Variants in ADGRB2 observed in about 807,000 individuals in gnomAD.
ADGRB2 encodes the protein adhesion G protein-coupled receptor B2.
In ADGRB2, 47 loss-of-function variants were observed where a neutral mutation model predicts 178.7. The ratio of observed to expected loss-of-function variants is 0.26; its 90% CI spans 0.21 to 0.34. The LOEUF (loss-of-function observed/expected upper bound fraction) is 0.34. Ranked by LOEUF, ADGRB2 falls within the 10% of genes least tolerant of loss-of-function variation. The probability of loss-of-function intolerance (pLI) is 1.00; values close to 1 mark genes in which losing one functional copy is unlikely to be tolerated. For missense variants in ADGRB2, 1,584 were observed against 2,180.8 expected, an observed-to-expected ratio of 0.73 and a Z score of 5.45; for synonymous variants, 870 against 912.4, an observed-to-expected ratio of 0.95 and a Z score of 0.84.
intron 1 of ADGRB2, among the ~76,000 whole-genome samples, chr1:31,763,460 G>A (rs189705770): frequency 1.1e-3 from 162 of 146,800 alleles, no homozygotes; most frequent in Non-Finnish European, 2.1e-3. Flanking sequence ...GACCGTGACG[G>A]GAAATAGAGG....
At position 31,740,886 on chromosome 1, in the gene ADGRB2, GGC is replaced by G. The variant is rs199971730; in HGVS notation, c.1795-347_1795-346del. Among the ~76,000 whole-genome samples the G allele has an allele frequency of 9.6e-6, 1 of 104,704 alleles. No homozygotes were observed. The highest frequency in any genetic ancestry group is 1.0e-4 in the Admixed American group (1 of 9,888). The allele number at this position is 104,704 out of a possible 152,430, so 68.7% of individuals were successfully genotyped here. On this transcript the variant is annotated intron_variant, in intron 11 of 32. Coordinates refer to ENST00000373658, the MANE Select transcript of ADGRB2 (RefSeq NM_001364857.2). The surrounding 1 kb of genome is among the most constrained non-coding windows in gnomAD (Gnocchi z 5.9). ...CTGGAGTGTAATGAGCATGTGTGTG[GGC>G]GCGCGCGCACACACACACACACACA...
Position 31,742,911 on chromosome 1 carries a change from G to A in ADGRB2, c.1179C>T (p.Pro393=). The A allele has an allele frequency of 6.5e-7, 1 of 1,542,560 alleles. No homozygotes were observed. Among genetic ancestry groups the A allele is most frequent in the South Asian group, 1.2e-5 (1 of 83,278 alleles). Residue 393 remains proline (P), a synonymous_variant, in exon 7 of 33, where the codon CCC becomes CCT. Transcript: ENST00000373658. ...GSRSRMRTCV[P]PQHGGKACEG... ...CGCAGGCCTTGCCGCCGTGCTGGGG[G>A]GGCACGCAGGTCCGCATCCGGCTCC...
intron 17 of ADGRB2, 74 bp from the exon 18 acceptor site, chr1:31,738,400 AG>A: frequency 1.9e-6 from 3 of 1,594,852 alleles, no homozygotes; most frequent in Non-Finnish European, 2.6e-6. Flanking sequence ...CCACTGCCCA[AG>A]GACAGGCTAA....
In ADGRB2 at chr1:31,736,558, A is replaced by G. The variant is rs1340254368; in HGVS notation, c.3130+15T>C. 1.2e-6 allele frequency: 2 copies of G among 1,612,882 alleles called. No homozygotes were observed. The highest frequency in any genetic ancestry group is 1.7e-6 in the Non-Finnish European group (2 of 1,179,318). On this transcript the variant is annotated intron_variant, in intron 21 of 32. Coordinates refer to ENST00000373658, the MANE Select transcript of ADGRB2 (RefSeq NM_001364857.2). ...CCAAGGCCCAGCAGCAGAGTCCAGC[A>G]CTGGCCCTGCTCACCCCAGCCCAGG...
At position 31,739,648 on chromosome 1, in the gene ADGRB2, GA is replaced by G; in HGVS notation, c.2168-14del. ...TGAATGCTGATCACTGCAGTGGGAG[GA>G]GGGTGGACAGAGACAGACAGAGGGG... On this transcript the variant is annotated splice_polypyrimidine_tract_variant and intron_variant, in intron 14 of 32. Transcript: ENST00000373658. 1 of 1,566,446 alleles carries G rather than the reference GA, an allele frequency of 6.4e-7. No homozygotes were observed. The highest frequency in any genetic ancestry group is 1.2e-5 in the South Asian group (1 of 83,140).
rs888871031 is a variant in ADGRB2, at chr1:31,757,284, G to C, written c.-60-3C>G. ...GTGAGGCATGTCACCGCGTAATCCT[G>C]TGGTAATTGTCAAAGTGGTGATGTT... On this transcript the variant is annotated splice_polypyrimidine_tract_variant and splice_region_variant and intron_variant, in intron 2 of 32. Coordinates refer to ENST00000373658, the MANE Select transcript of ADGRB2 (RefSeq NM_001364857.2). 6.3e-7 allele frequency: 1 copy of C among 1,594,806 alleles called. No individual in the cohort carries two copies. Among genetic ancestry groups the C allele is most frequent in the African/African-American group, 1.3e-5 (1 of 74,572 alleles).
In ADGRB2 at chr1:31,753,524, A is replaced by G. The variant is rs1646685695; in HGVS notation, c.838+2475T>C. The stretch of plus-strand genomic sequence containing the variant: ...GGGGTGTCCCAGAGAAGATGAACAC[A>G]GCTTCCCTGCCCTGGTGCCTGGGAG... On this transcript the variant is annotated intron_variant, in intron 4 of 32. Coordinates refer to ENST00000373658, the MANE Select transcript of ADGRB2 (RefSeq NM_001364857.2). The surrounding 1 kb of genome is among the most constrained non-coding windows in gnomAD (Gnocchi z 4.1). Among the ~76,000 whole-genome samples the G allele has an allele frequency of 6.6e-6, 1 of 152,196 alleles. No homozygotes were observed. Among genetic ancestry groups the G allele is most frequent in the Admixed American group, 6.5e-5 (1 of 15,282 alleles).
In ADGRB2 at chr1:31,742,806, C is replaced by T. The variant is rs779835229; in HGVS notation, c.1252+32G>A. 9 of 1,402,186 alleles carry T rather than the reference C, an allele frequency of 6.4e-6. No homozygotes were observed. The African/African-American group carries it at 1.2e-4, about 19-fold the overall frequency. The allele number at this position is 1,402,186 out of a possible 1,614,324, so 86.9% of individuals were successfully genotyped here. A position where few individuals can be genotyped will look rare whatever the true frequency, so the allele number is the denominator to read the frequency against. On this transcript the variant is annotated intron_variant, in intron 7 of 32. Transcript: ENST00000373658. ...CCCGACCCCCCACCGGGCTGGGCAGCGCCCTCATGGAAGCCCACGGGTGCT... is the reference window on the plus strand; with the variant it reads ...CCCGACCCCCCACCGGGCTGGGCAGTGCCCTCATGGAAGCCCACGGGTGCT...
chr1:31,742,173 T>C lies in ADGRB2; in HGVS notation c.1297A>G (p.Thr433Ala), dbSNP rs867954482. ...TGTTGGGTCCCATTGGCACAGGACG[T>C]GGAGCATGGGCCCCAGGGACCCCAT... ...LEWGPWGPCS[T>A]SCANGTQQRS... The change falls in exon 8 of 33, where the codon ACG becomes GCG. Residue 433 changes from threonine to alanine, a missense_variant. Around this residue, in one of 3 missense-constraint regions of ADGRB2, gnomAD observed 657 missense variants for 847.6 expected, o/e 0.78. Coordinates refer to ENST00000373658, the MANE Select transcript of ADGRB2 (RefSeq NM_001364857.2). The C allele has an allele frequency of 3.1e-6, 5 of 1,612,712 alleles. No homozygotes were observed. The highest frequency in any genetic ancestry group is 3.3e-5 in the Admixed American group (2 of 59,926).
Position 31,735,645 on chromosome 1 carries a change from G to A in ADGRB2, c.3288C>T (p.Ile1096=). 6 of 1,604,446 alleles carry A rather than the reference G, an allele frequency of 3.7e-6. No individual in the cohort carries two copies. Among genetic ancestry groups the A allele is most frequent in the Non-Finnish European group, 5.1e-6 (6 of 1,172,986 alleles). Residue 1096 remains isoleucine, a synonymous_variant, in exon 24 of 33, where the codon ATC becomes ATT. Coordinates refer to ENST00000373658, the MANE Select transcript of ADGRB2 (RefSeq NM_001364857.2). The surrounding 1 kb of genome is among the most constrained non-coding windows in gnomAD (Gnocchi z 6.0). ...VIVLVNMLIG[I]IVFNKLMARD... ...GTGCCATGAGCTTGTTGAAGACGAT[G>A]ATTCCGATGAGCATGTTCACCTGGG...
At chr1:31,731,500 C>A in intron 28 of ADGRB2, 81 bp from the exon 29 acceptor site, 1 of 1,492,064 alleles carries the variant, frequency 6.7e-7, no homozygotes, top group Non-Finnish European at 9.0e-7. Context: ...TGGGGAGGTA[C>A]CAAGCTTCTG....
Position 31,728,130 on chromosome 1 carries a change from C to CAGGTCAGGCCCTG in ADGRB2, c.4515+39_4516-50dup. On this transcript the variant is annotated intron_variant, in intron 31 of 32. Transcript: ENST00000373658. The surrounding 1 kb of genome is among the most constrained non-coding windows in gnomAD (Gnocchi z 6.7). ...GCTCCAACCCCAGGGGCCACTGCAC[C>CAGGTCAGGCCCTG]AGGTCAGGCCCTGAGCTTCAGGGCA... 2.5e-6 allele frequency: 4 copies of CAGGTCAGGCCCTG among 1,613,498 alleles called. No homozygotes were observed. Among genetic ancestry groups the CAGGTCAGGCCCTG allele is most frequent in the Non-Finnish European group, 3.4e-6 (4 of 1,179,824 alleles).
intron 29 of ADGRB2, among the ~76,000 whole-genome samples, chr1:31,729,050 T>C (rs1645143813): frequency 6.6e-6 from 1 of 152,098 alleles, no homozygotes; most frequent in South Asian, 2.1e-4. Context: ...TTCAGAAACC[T>C]TCCTTTGACC....
Position 31,756,702 on chromosome 1 carries a change from C to A in ADGRB2, c.135G>T (p.Ser45=). The A allele has an allele frequency of 2.5e-6, 4 of 1,604,080 alleles. No homozygotes were observed. The highest frequency in any genetic ancestry group is 1.7e-6 in the Non-Finnish European group (2 of 1,175,744). ...GCGAGAAGGCCCCGTAGAGCACACC[C>A]GAGGCCAGGGCAGAGCAGGCACTGG... The part of the protein sequence containing the change: ...PAPSACSALA[S]GVLYGAFSLQ... The change falls in exon 4 of 33, where the codon TCG becomes TCT. Residue 45 remains serine (S), a synonymous_variant. Transcript: ENST00000373658. This position sits in a 1 kb window ranked among gnomAD's most constrained non-coding sequence, Gnocchi z 8.5.
At position 31,744,439 on chromosome 1, in the gene ADGRB2, G is replaced by A. The variant is rs953623198; in HGVS notation, c.923-82C>T. ...TAGGGATAGGGGGAGTGGCAGTAAG[G>A]TGGGGGCAGGCATCAGAGGGCTCCT... On this transcript the variant is annotated intron_variant, in intron 5 of 32. Coordinates refer to ENST00000373658, the MANE Select transcript of ADGRB2 (RefSeq NM_001364857.2). The surrounding 1 kb of genome is among the most constrained non-coding windows in gnomAD (Gnocchi z 6.7). 1.1e-5 allele frequency: 16 copies of A among 1,517,966 alleles called. No homozygotes were observed. The highest frequency in any genetic ancestry group is 7.3e-5 in the South Asian group (6 of 82,328). 94.0% of individuals were successfully genotyped at this position (1,517,966 alleles called of 1,614,324 possible).
Position 31,735,982 on chromosome 1 carries a change from T to C in ADGRB2, c.3201-89A>G, listed in dbSNP as rs74063989. ...ATCCCTCAGTCCTCCCAGGCTGCCA[T>C]GCCCGCATCACCAGTGCAGTCTGAG... On this transcript the variant is annotated intron_variant, in intron 22 of 32. Coordinates refer to ENST00000373658, the MANE Select transcript of ADGRB2 (RefSeq NM_001364857.2). The surrounding 1 kb of genome is among the most constrained non-coding windows in gnomAD (Gnocchi z 6.0). 1,933 of 1,342,000 alleles carry C rather than the reference T, an allele frequency of 1.4e-3. 24 individuals are homozygous for C. In the African/African-American group the frequency reaches 0.024, roughly 17 times the overall value. The allele number at this position is 1,342,000 out of a possible 1,614,324, so 83.1% of individuals were successfully genotyped here.
At chr1:31,736,263 G>A in intron 22 of ADGRB2, 58 bp downstream of exon 22, 1 of 1,587,902 alleles carries the variant, frequency 6.3e-7, no homozygotes, top group Admixed American at 1.7e-5. Flanking sequence ...CAGCTGCCCA[G>A]TCCGATTCCC....
Position 31,739,333 on chromosome 1 carries a change from G to C in ADGRB2, c.2470C>G (p.Leu824Val), listed in dbSNP as rs1449681524. ...CTGGGAGGCGGCAGGATGAGGCCAAGGGTGCGGTAGAGTACAGCACCGATC... is the reference window on the plus strand; with the variant it reads ...CTGGGAGGCGGCAGGATGAGGCCAACGGTGCGGTAGAGTACAGCACCGATC... ...FVIGAVLYRT[L>V]GLILPPPRPP... Residue 824 changes from leucine (L) to valine (V), a missense_variant, in exon 15 of 33, where the codon CTT becomes GTT. By Grantham distance (32) the Leu-to-Val change is conservative. Around this residue, in one of 3 missense-constraint regions of ADGRB2, gnomAD observed 865 missense variants for 1,192.8 expected, o/e 0.73. Transcript: ENST00000373658. 6.9e-7 allele frequency: 1 copy of C among 1,455,350 alleles called. No homozygotes were observed. Among genetic ancestry groups the C allele is most frequent in the Non-Finnish European group, 9.1e-7 (1 of 1,101,362 alleles). 90.2% of individuals were successfully genotyped at this position (1,455,350 alleles called of 1,614,324 possible).
In ADGRB2 at chr1:31,733,053, G is replaced by GAC; in HGVS notation, c.3541_3542dup (p.Leu1182SerfsTer33). The GAC allele has an allele frequency of 1.3e-6, 2 of 1,579,336 alleles. No homozygotes were observed. The highest frequency in any genetic ancestry group is 1.7e-6 in the Non-Finnish European group (2 of 1,162,684). ...AGACAGCAAAGAGGGCCTGGAAGAG[G>GAC]ACGGAACGGCGGTCTGTCATAGCCA... On this transcript the variant is annotated frameshift_variant, in exon 26 of 33. Transcript: ENST00000373658. LOFTEE classifies it high-confidence loss of function. The surrounding 1 kb of genome is among the most constrained non-coding windows in gnomAD (Gnocchi z 4.3).
Sources: gnomAD v4.1 joint callset for allele counts (sites outside exome capture counted in the v4.1 genomes callset) on GRCh38, gnomAD v4.1.1 for gene constraint, gnomAD v4.1.1 regional missense constraint, Gnocchi (gnomAD v3.1) non-coding constraint, MANE v1.5 for transcripts, NCBI Gene and HGNC (gene_info 2026-07-23, HGNC 2026-07-21) for gene names.